Variants in GNA13 observed in about 807,000 individuals in gnomAD.
GNA13 encodes guanine nucleotide-binding protein subunit alpha-13.
Under a neutral mutation model 33.5 loss-of-function variants are expected in GNA13, and 4 were observed. The ratio of observed to expected loss-of-function variants is 0.12; its 90% CI spans 0.06 to 0.27. The LOEUF (loss-of-function observed/expected upper bound fraction) is 0.27. GNA13 is among the 10% of genes least tolerant of loss of function. GNA13 has a pLI of 1.00. For synonymous variants in GNA13, 176 were observed against 183.8 expected (o/e 0.96, Z 0.34); for missense variants, 319 against 487.2 (o/e 0.65, Z 3.25).
intron 2 of GNA13, among the ~76,000 whole-genome samples, chr17:65,029,869 GT>G (rs1004066097): frequency 2.1e-4 from 31 of 145,936 alleles, no homozygotes; most frequent in South Asian, 8.6e-4. Flanking sequence ...GAACGGGAAG[GT>G]TTTTTTTTTT....
At chr17:65,053,443 C>A in intron 2 of GNA13, 59 bp downstream of exon 2, 1 of 1,054,426 alleles carries the variant, frequency 9.5e-7, no homozygotes, top group South Asian at 1.3e-5. Flanking sequence ...GATGTGCAAC[C>A]TGTATTACTA....
At chr17:65,039,323 T>A (rs1439444285) in intron 2 of GNA13, among the ~76,000 whole-genome samples, 3 of 152,198 alleles carry the variant, frequency 2.0e-5, no homozygotes, top group Non-Finnish European at 4.4e-5. Context: ...GAACAGTATC[T>A]GGTGCAAAGG....
At chr17:65,055,377 A>G (rs1024274114) in intron 1 of GNA13, among the ~76,000 whole-genome samples, 2 of 152,224 alleles carry the variant, frequency 1.3e-5, no homozygotes. Context: ...GTTTAATTTT[A>G]AAACTACTGT....
chr17:65,039,618 C>T (rs898976902), intron 2 of GNA13, among the ~76,000 whole-genome samples: 2 of 152,218 alleles, frequency 1.3e-5, no homozygotes, highest in African/African-American at 4.8e-5. Flanking sequence ...TCCTGGAGGA[C>T]TTTCTCATCC....
rs375578952 is a variant in GNA13, at chr17:65,014,543, T to C, written c.848A>G (p.Asn283Ser). The C allele has an allele frequency of 9.9e-6, 16 of 1,614,046 alleles. No homozygotes were observed. The highest frequency in any genetic ancestry group is 2.2e-5 in the South Asian group (2 of 91,090). The stretch of plus-strand genomic sequence containing the variant: ...GTTTAAGAACAGAATTATGGAGACA[T>C]TGCTGAAAACCCGGTTATTGACGAT... ...ETIVNNRVFS[N>S]VSIILFLNKT... Residue 283 changes from asparagine (N) to serine (S), a missense_variant, in exon 4 of 4, where the codon AAT becomes AGT. Coordinates refer to ENST00000439174, the MANE Select transcript of GNA13 (RefSeq NM_006572.6). The surrounding 1 kb of genome is among the most constrained non-coding windows in gnomAD (Gnocchi z 5.3).
rs1906249429 is a variant in GNA13 at position 65,013,135 on chromosome 17, C to G, written c.*1122G>C. 1 of 201,260 alleles carries G rather than the reference C, an allele frequency of 5.0e-6. No homozygotes were observed. The highest frequency in any genetic ancestry group is 1.9e-4 in the South Asian group (1 of 5,234). 12.5% of individuals were successfully genotyped at this position (201,260 alleles called of 1,614,324 possible). On this transcript the variant is annotated 3_prime_UTR_variant, in exon 4 of 4. Coordinates refer to ENST00000439174, the MANE Select transcript of GNA13 (RefSeq NM_006572.6). ...CAACAATTATACAAATGTATACATA[C>G]TGTATCTGTTAGAGACACACCAAGA... is the stretch of plus-strand genomic sequence containing the variant.
chr17:65,051,153 G>A (rs1381592887), intron 2 of GNA13, among the ~76,000 whole-genome samples: 2 of 152,162 alleles, frequency 1.3e-5, no homozygotes, highest in African/African-American at 4.8e-5. Flanking sequence ...TTTCAGGTAT[G>A]CAGTTCTTTA....
At chr17:65,048,463 C>T (rs142243718) in intron 2 of GNA13, among the ~76,000 whole-genome samples, 155 of 152,278 alleles carry the variant, frequency 1.0e-3, no homozygotes, top group African/African-American at 3.6e-3. Context: ...ATATTTAATT[C>T]AGTACTAAAA....
intron 2 of GNA13, among the ~76,000 whole-genome samples, chr17:65,029,253 A>G (rs1321465051): frequency 6.6e-6 from 1 of 152,186 alleles, no homozygotes; most frequent in Non-Finnish European, 1.5e-5. Flanking sequence ...ACTTTTCCCT[A>G]TGAAACAAGC....
intron 2 of GNA13, among the ~76,000 whole-genome samples, chr17:65,044,635 C>A (rs1598497152): frequency 1.3e-5 from 2 of 148,292 alleles, no homozygotes; most frequent in Admixed American, 6.7e-5. Flanking sequence ...AACCCCATCT[C>A]TTAAAAAAAA....
rs1908060247 is a variant in GNA13 at position 65,056,362 on chromosome 17, G to A, written c.232C>T (p.Gln78Ter). The stretch of plus-strand genomic sequence containing the variant: ...GGGCGGAACTCCTCGCGCGCGCGCT[G>A]GTCGAAGTCCTGCCCGTGGATGATC... ...MRIIHGQDFD[Q>*]RAREEFRPTI... is the part of the protein sequence containing the mutation. Residue 78 changes from glutamine (Q) to a stop codon, truncating the protein, a stop_gained, in exon 1 of 4, where the codon CAG becomes TAG. Transcript: ENST00000439174. LOFTEE classifies it high-confidence loss of function. 1 of 1,613,062 alleles carries A rather than the reference G, an allele frequency of 6.2e-7. No homozygotes were observed. The highest frequency in any genetic ancestry group is 8.5e-7 in the Non-Finnish European group (1 of 1,179,814).
At chr17:65,046,333 C>T (rs1907663102) in intron 2 of GNA13, among the ~76,000 whole-genome samples, 1 of 151,914 alleles carries the variant, frequency 6.6e-6, no homozygotes, top group Admixed American at 6.6e-5. Flanking sequence ...CTCTGTTGGC[C>T]AGGCTGGAGT....
Position 65,028,495 on chromosome 17 carries a change from C to T in GNA13, c.511-10192G>A, listed in dbSNP as rs75896373. Reference sequence around the variant, plus strand: ...ACTTCACAGGTGATTCTTAAGGTTGCTCATCATCTACTTGCAAGAACCACT... The same window carrying T: ...ACTTCACAGGTGATTCTTAAGGTTGTTCATCATCTACTTGCAAGAACCACT... On this transcript the variant is annotated intron_variant, in intron 2 of 3. Transcript: ENST00000439174. Among the ~76,000 whole-genome samples the T allele has an allele frequency of 6.0e-3, 905 of 151,402 alleles. 2 individuals are homozygous for T. The highest frequency in any genetic ancestry group is 0.021 in the African/African-American group (886 of 41,272).
chr17:65,055,673 G>A, intron 1 of GNA13: 3 of 985,000 alleles, frequency 3.0e-6, no homozygotes, highest in Non-Finnish European at 1.2e-6. Context: ...CCTGATTCCA[G>A]TACAGTCAAC....
intron 2 of GNA13, among the ~76,000 whole-genome samples, chr17:65,026,325 T>C (rs1360349496): frequency 3.3e-5 from 5 of 152,150 alleles, no homozygotes; most frequent in South Asian, 4.1e-4. Context: ...ACCAACATAA[T>C]TGACAAATAC....
chr17:65,056,239 G>GCCCGGCCCCC, intron 1 of GNA13, 72 bp downstream of exon 1: 17 of 936,160 alleles, frequency 1.8e-5, no homozygotes, highest in East Asian at 3.2e-5. Context: ...CCAGGGCGGT[G>GCCCGGCCCCC]CCCCGCCCCG....
chr17:65,017,382 A>G (rs1365543342), intron 3 of GNA13, among the ~76,000 whole-genome samples: 1 of 152,214 alleles, frequency 6.6e-6, no homozygotes, highest in Admixed American at 6.5e-5. Context: ...GTTGATGAGG[A>G]CACACACATA....
chr17:65,039,002 C>T (rs1478861740), intron 2 of GNA13, among the ~76,000 whole-genome samples: 3 of 152,114 alleles, frequency 2.0e-5, no homozygotes, highest in African/African-American at 7.2e-5. Flanking sequence ...TAAGTCAAAC[C>T]ACAGTAAACC....
chr17:65,043,460 C>T (rs1171131693), intron 2 of GNA13, among the ~76,000 whole-genome samples: 1 of 151,820 alleles, frequency 6.6e-6, no homozygotes, highest in African/African-American at 2.4e-5. Context: ...CTAATTTTTG[C>T]GTATTCTGTA....
Sources: allele counts gnomAD v4.1 joint callset (sites outside exome capture counted in the v4.1 genomes callset), GRCh38; gene constraint gnomAD v4.1.1; non-coding constraint Gnocchi (gnomAD v3.1); transcripts MANE v1.5; gene names NCBI Gene and HGNC (gene_info 2026-07-23, HGNC 2026-07-21).